The following KIF13A variants were observed in gnomAD, a reference collection of about 807,000 sequenced individuals.
The protein encoded by KIF13A is kinesin family member 13A.
KIF13A carries 79 observed loss-of-function variants against 212.2 expected under a neutral mutation model. The observed-to-expected ratio is 0.37, with a 90% CI of 0.31 to 0.45. The LOEUF is 0.45. Ranked by LOEUF, KIF13A falls within the 20% of genes least tolerant of loss-of-function variation. The probability of loss-of-function intolerance (pLI) is 1.00; values close to 1 mark genes in which losing one functional copy is unlikely to be tolerated. For missense variants in KIF13A, 1,901 were observed against 2,209.0 expected, an observed-to-expected ratio of 0.86 and a Z score of 2.79; for synonymous variants, 789 against 808.6, an observed-to-expected ratio of 0.98 and a Z score of 0.41.
At chr6:17,868,497 T>C (rs1008913410) in intron 4 of KIF13A, among the ~76,000 whole-genome samples, 3 of 151,988 alleles carry the variant, frequency 2.0e-5, no homozygotes, top group Non-Finnish European at 2.9e-5. Flanking sequence ...GGAGAACATA[T>C]GAGTTTATGT....
At chr6:17,976,423 G>GGCCCGGGTGCTAAGCCCTTCATT (rs1470031629) in intron 2 of KIF13A, among the ~76,000 whole-genome samples, 5 of 152,240 alleles carry the variant, frequency 3.3e-5, no homozygotes, top group Non-Finnish European at 5.9e-5. Flanking sequence ...CGCAGCCGCT[G>GGCCCGGGTGCTAAGCCCTTCATT]GCCCGGGTGC....
At position 17,886,982 on chromosome 6, in the gene KIF13A, C is replaced by A. The variant is rs921017420; in HGVS notation, c.159+11186G>T. 6.6e-6 allele frequency among the ~76,000 whole-genome samples: 1 copy of A among 152,118 alleles called. No individual in the cohort carries two copies. The highest frequency in any genetic ancestry group is 2.4e-5 in the African/African-American group (1 of 41,414). On this transcript the variant is annotated intron_variant, in intron 3 of 38. Coordinates refer to ENST00000259711, the MANE Select transcript of KIF13A (RefSeq NM_022113.6). The surrounding 1 kb of genome is among the most constrained non-coding windows in gnomAD (Gnocchi z 5.6). ...CATTACTGTTCCAAATGATTCCTGG[C>A]CCTCCTGGTAAGGGAATTACACATC... is the stretch of plus-strand genomic sequence containing the variant.
At chr6:17,923,941 G>T (rs558828820) in intron 2 of KIF13A, among the ~76,000 whole-genome samples, 2 of 152,186 alleles carry the variant, frequency 1.3e-5, no homozygotes, top group East Asian at 3.9e-4. Flanking sequence ...TCTCAGGTCA[G>T]GCCCAGTCCT....
At position 17,768,963 on chromosome 6, in the gene KIF13A, T is replaced by C. The variant is rs567363609; in HGVS notation, c.4581+2151A>G. ...AAAATATTGCTTAAAGAATCAAGCA[T>C]AGCCATGTTTACTATATTTTATGTG... is the stretch of plus-strand genomic sequence containing the variant. On this transcript the variant is annotated intron_variant, in intron 38 of 38. Transcript: ENST00000259711. This position sits in a 1 kb window ranked among gnomAD's most constrained non-coding sequence, Gnocchi z 5.4. 6.7e-6 allele frequency among the ~76,000 whole-genome samples: 1 copy of C among 150,146 alleles called. No individual in the cohort carries two copies. Among genetic ancestry groups the C allele is most frequent in the Non-Finnish European group, 1.5e-5 (1 of 66,698 alleles).
intron 2 of KIF13A, among the ~76,000 whole-genome samples, chr6:17,975,607 G>GA (rs1161999291): frequency 6.6e-6 from 1 of 152,174 alleles, no homozygotes; most frequent in Non-Finnish European, 1.5e-5. Context: ...AGTTCGGGCA[G>GA]CCTGCTTTTA....
chr6:17,846,827 G>C (rs1381826606), intron 9 of KIF13A, among the ~76,000 whole-genome samples: 4 of 152,142 alleles, frequency 2.6e-5, no homozygotes, highest in Non-Finnish European at 5.9e-5. Flanking sequence ...GTATCATCTA[G>C]ATGCTGCCTG....
chr6:17,841,724 T>C (rs1214347086), intron 9 of KIF13A, among the ~76,000 whole-genome samples: 1 of 152,026 alleles, frequency 6.6e-6, no homozygotes, highest in Non-Finnish European at 1.5e-5. Flanking sequence ...TCTATTACCA[T>C]CCCCTTGGAA....
At position 17,899,745 on chromosome 6, in the gene KIF13A, T is replaced by C. The variant is rs1425342014; in HGVS notation, c.147-1565A>G. 1.3e-5 allele frequency among the ~76,000 whole-genome samples: 2 copies of C among 152,212 alleles called. No individual in the cohort carries two copies. Among genetic ancestry groups the C allele is most frequent in the Admixed American group, 6.5e-5 (1 of 15,276 alleles). The stretch of plus-strand genomic sequence containing the variant: ...TAGAGGGGAACTAGAATAACTGGTA[T>C]CTCTGGCTGCCATCAAGCAAGTCTC... On this transcript the variant is annotated intron_variant, in intron 2 of 38. Transcript: ENST00000259711. This position sits in a 1 kb window ranked among gnomAD's most constrained non-coding sequence, Gnocchi z 5.2.
rs914771594 is a variant in KIF13A at position 17,949,120 on chromosome 6, G to C, written c.146+37934C>G. The stretch of plus-strand genomic sequence containing the variant: ...CATCTCAAAGGAGATGCTAAAACTC[G>C]CCGACCACTATACATCATAGCTCAT... On this transcript the variant is annotated intron_variant, in intron 2 of 38. Coordinates refer to ENST00000259711, the MANE Select transcript of KIF13A (RefSeq NM_022113.6). Among the ~76,000 whole-genome samples the C allele has an allele frequency of 4.6e-5, 7 of 152,116 alleles. 1 individual carries two copies. The highest frequency in any genetic ancestry group is 1.7e-4 in the African/African-American group (7 of 41,416).
chr6:17,835,157 G>C (rs551608541), intron 11 of KIF13A, among the ~76,000 whole-genome samples: 1 of 125,362 alleles, frequency 8.0e-6, no homozygotes, highest in Non-Finnish European at 1.6e-5. Context: ...CTGCACTCCA[G>C]CCCGGGCAAC....
intron 2 of KIF13A, among the ~76,000 whole-genome samples, chr6:17,965,896 C>G (rs758312033): frequency 1.3e-5 from 2 of 152,100 alleles, no homozygotes; most frequent in Non-Finnish European, 2.9e-5. Flanking sequence ...TAAAATGGGG[C>G]CGGGCGTGGT....
Position 17,773,605 on chromosome 6 carries a change from T to A in KIF13A, c.4219-22A>T, listed in dbSNP as rs765819929. ...AACCCTACAAGGTAAAAATATGGGT[T>A]AACTGTAATTGAATCACTCCAAAAT... On this transcript the variant is annotated intron_variant, in intron 35 of 38. Transcript: ENST00000259711. The surrounding 1 kb of genome is among the most constrained non-coding windows in gnomAD (Gnocchi z 4.2). 10 of 1,396,018 alleles carry A rather than the reference T, an allele frequency of 7.2e-6. No homozygotes were observed. Among genetic ancestry groups the A allele is most frequent in the African/African-American group, 1.4e-5 (1 of 70,672 alleles). The allele number at this position is 1,396,018 out of a possible 1,614,324, so 86.5% of individuals were successfully genotyped here.
Position 17,785,500 on chromosome 6 carries a change from G to T in KIF13A, c.3488+15C>A. On this transcript the variant is annotated intron_variant, in intron 28 of 38. Transcript: ENST00000259711. The surrounding 1 kb of genome is among the most constrained non-coding windows in gnomAD (Gnocchi z 5.8). ...CCATCTCCCCAGGTCTGCACAGAAG[G>T]GAGGGCAGCCTTACCAGTCGGCAGG... 6.5e-7 allele frequency: 1 copy of T among 1,544,968 alleles called. No individual in the cohort carries two copies. Among genetic ancestry groups the T allele is most frequent in the East Asian group, 2.3e-5 (1 of 43,170 alleles).
In KIF13A at chr6:17,826,275, G is replaced by A. The variant is rs554420099; in HGVS notation, c.1533-151C>T. On this transcript the variant is annotated intron_variant, in intron 14 of 38. Transcript: ENST00000259711. This position sits in a 1 kb window ranked among gnomAD's most constrained non-coding sequence, Gnocchi z 4.7. ...GAAGAGCAGAATGTGTAACCACTAT[G>A]AAAACACACAATCTAAGCCATGAGG... Among the ~76,000 whole-genome samples, 4 of 152,134 alleles carry A rather than the reference G, an allele frequency of 2.6e-5. No individual in the cohort carries two copies. The highest frequency in any genetic ancestry group is 5.9e-5 in the Non-Finnish European group (4 of 68,042).
chr6:17,806,568 T>C (rs1762967429), intron 18 of KIF13A, among the ~76,000 whole-genome samples: 3 of 152,218 alleles, frequency 2.0e-5, no homozygotes, highest in Admixed American at 1.3e-4. Flanking sequence ...AGTTTTTCTT[T>C]TTTTCTGAGT....
intron 3 of KIF13A, among the ~76,000 whole-genome samples, chr6:17,896,500 T>G (rs936023934): frequency 2.6e-5 from 4 of 152,226 alleles, no homozygotes; most frequent in Admixed American, 6.5e-5. Context: ...TGTGTCCATC[T>G]TTATTTGATT....
chr6:17,930,547 C>G (rs1474374698), intron 2 of KIF13A, among the ~76,000 whole-genome samples: 1 of 152,194 alleles, frequency 6.6e-6, no homozygotes, highest in Non-Finnish European at 1.5e-5. Context: ...GTTGCCTGAC[C>G]TCAGAGTTCA....
chr6:17,892,500 T>C lies in KIF13A; in HGVS notation c.159+5668A>G, dbSNP rs1772159002. 1.3e-5 allele frequency among the ~76,000 whole-genome samples: 2 copies of C among 152,110 alleles called. No homozygotes were observed. ...AGCTGGGTGATACATCACTGTGCAG[T>C]GATAAGAGTGTCTTTTGTATGCTAA... On this transcript the variant is annotated intron_variant, in intron 3 of 38. Coordinates refer to ENST00000259711, the MANE Select transcript of KIF13A (RefSeq NM_022113.6). The surrounding 1 kb of genome is among the most constrained non-coding windows in gnomAD (Gnocchi z 4.7).
chr6:17,852,358 C>T (rs1052664081), intron 6 of KIF13A, among the ~76,000 whole-genome samples: 4 of 152,282 alleles, frequency 2.6e-5, no homozygotes, highest in Admixed American at 6.5e-5. Flanking sequence ...AAAAACATGC[C>T]AGATCAAATC....
Sources: gnomAD v4.1 joint callset for allele counts (sites outside exome capture counted in the v4.1 genomes callset) on GRCh38, gnomAD v4.1.1 for gene constraint, Gnocchi (gnomAD v3.1) non-coding constraint, MANE v1.5 for transcripts, NCBI Gene and HGNC (gene_info 2026-07-23, HGNC 2026-07-21) for gene names.